Variants in COL17A1 observed in about 807,000 individuals in gnomAD.
COL17A1 encodes the protein collagen type XVII alpha 1 chain.
In COL17A1, 181 loss-of-function variants were observed where a neutral mutation model predicts 218.4. The ratio of observed to expected loss-of-function variants is 0.83; its 90% CI spans 0.73 to 0.94. COL17A1 has a LOEUF of 0.94. COL17A1 is among the 40% of genes least tolerant of loss of function. The pLI is 0.00. For synonymous variants in COL17A1, 721 were observed against 731.0 expected (o/e 0.99, Z 0.22); for missense variants, 1,924 against 1,945.9 (o/e 0.99, Z 0.21).
chr10:104,037,585 G>T, intron 46 of COL17A1, 51 bp downstream of exon 46: 1 of 1,610,640 alleles, frequency 6.2e-7, no homozygotes, highest in Non-Finnish European at 8.5e-7. Flanking sequence ...GGGAGCAAAA[G>T]CAGACCCACA....
intron 43 of COL17A1, 22 bp from the exon 44 acceptor site, chr10:104,039,143 T>C (rs1287043177): frequency 6.2e-7 from 1 of 1,613,556 alleles, no homozygotes; most frequent in South Asian, 1.1e-5. Flanking sequence ...AATGAGAAGT[T>C]TGCCTCACCT....
At chr10:104,063,302 G>A (rs926705997) in intron 11 of COL17A1, among the ~76,000 whole-genome samples, 2 of 152,180 alleles carry the variant, frequency 1.3e-5, no homozygotes, top group Non-Finnish European at 2.9e-5. Context: ...AAGATAAGCA[G>A]TAACATTATT....
intron 4 of COL17A1, 104 bp downstream of exon 4, chr10:104,077,318 C>T: frequency 1.2e-6 from 1 of 867,612 alleles, no homozygotes; most frequent in Non-Finnish European, 1.9e-6. Flanking sequence ...CTTTTGTGCA[C>T]TGATTCAAAA....
In COL17A1 at chr10:104,039,382, C is replaced by T; in HGVS notation, c.2896+63G>A. 4 of 1,543,702 alleles carry T rather than the reference C, an allele frequency of 2.6e-6. No individual in the cohort carries two copies. In the South Asian group the frequency reaches 3.3e-5, roughly 13 times the overall value. ...GTACTTGCTGCCATCTCTTCAGGCT[C>T]TGGGCTCTGGGCACCAGGCTCACCC... On this transcript the variant is annotated intron_variant, in intron 43 of 55. Transcript: ENST00000648076.
intron 15 of COL17A1, 85 bp downstream of exon 15, chr10:104,059,553 T>C (rs2086562354): frequency 1.5e-6 from 2 of 1,297,060 alleles, no homozygotes; most frequent in East Asian, 4.6e-5. Context: ...TGGACCACAC[T>C]TTGAGTAGCA....
intron 33 of COL17A1, among the ~76,000 whole-genome samples, chr10:104,044,967 G>T (rs957545619): frequency 2.0e-5 from 3 of 152,180 alleles, no homozygotes; most frequent in East Asian, 1.9e-4. Context: ...CATTGGAAAT[G>T]ATTTCTGGAA....
chr10:104,043,616 A>G (rs1214227022), intron 34 of COL17A1, 35 bp from the exon 35 acceptor site: 1 of 1,610,278 alleles, frequency 6.2e-7, no homozygotes, highest in Admixed American at 1.7e-5. Context: ...ATTGAGCCCT[A>G]CTTTTCTCAC....
intron 2 of COL17A1, among the ~76,000 whole-genome samples, chr10:104,079,954 G>A (rs1296123255): frequency 2.0e-5 from 3 of 150,104 alleles, no homozygotes; most frequent in Admixed American, 2.0e-4. Context: ...AAATGTTTTT[G>A]TAGAGTGCAG....
At chr10:104,079,762 C>G (rs2086747718) in intron 2 of COL17A1, among the ~76,000 whole-genome samples, 1 of 152,064 alleles carries the variant, frequency 6.6e-6, no homozygotes, top group African/African-American at 2.4e-5. Context: ...CCCGTCTCTA[C>G]TAAAAACACA....
chr10:104,036,097 T>A (rs1225322396), intron 48 of COL17A1, among the ~76,000 whole-genome samples: 7 of 52,232 alleles, frequency 1.3e-4, no homozygotes, highest in South Asian at 1.6e-3. Flanking sequence ...GGAGTGTGTG[T>A]GTATGGGAGT....
intron 53 of COL17A1, 88 bp from the exon 54 acceptor site, chr10:104,033,056 G>A: frequency 6.5e-7 from 1 of 1,541,286 alleles, no homozygotes; most frequent in Non-Finnish European, 8.8e-7. Flanking sequence ...AACACAGAGA[G>A]ATAGTGATGG....
At chr10:104,056,560 C>T (rs530747675) in intron 17 of COL17A1, among the ~76,000 whole-genome samples, 21 of 148,620 alleles carry the variant, frequency 1.4e-4, no homozygotes, top group African/African-American at 4.0e-4. Context: ...CCAGCCTGGG[C>T]GACAGAACGA....
Position 104,050,607 on chromosome 10 carries a change from A to C in COL17A1, c.2128+14T>G. 6.2e-7 allele frequency: 1 copy of C among 1,612,988 alleles called. No homozygotes were observed. Among genetic ancestry groups the C allele is most frequent in the Non-Finnish European group, 8.5e-7 (1 of 1,180,018 alleles). On this transcript the variant is annotated intron_variant, in intron 27 of 55. Transcript: ENST00000648076. ...CAGGCCCTGGTAATGACAGAGCAGC[A>C]GTGAGTGGCATACCTTTGGGTCCTG...
intron 20 of COL17A1, among the ~76,000 whole-genome samples, chr10:104,054,319 G>T (rs1294219373): frequency 6.6e-6 from 1 of 152,248 alleles, no homozygotes. Flanking sequence ...ACAAGTTATA[G>T]TGAAAAATTA....
Position 104,033,952 on chromosome 10 carries a change from GCTCT to G in COL17A1, c.4145_4148del (p.Glu1382AlafsTer40), listed in dbSNP as rs765243124. 1.9e-6 allele frequency: 3 copies of G among 1,614,174 alleles called. No homozygotes were observed. Among genetic ancestry groups the G allele is most frequent in the Non-Finnish European group, 2.5e-6 (3 of 1,180,026 alleles). Reference sequence around the variant, plus strand: ...CTAAATGTCCCCACTTACGCTGCATGCTCTCTGACACCCTCACAGCCAGCTCATT... The same window carrying G: ...CTAAATGTCCCCACTTACGCTGCATGCTGACACCCTCACAGCCAGCTCATT... On this transcript the variant is annotated frameshift_variant, in exon 52 of 56. Coordinates refer to ENST00000648076, the MANE Select transcript of COL17A1 (RefSeq NM_000494.4). LOFTEE classifies it high-confidence loss of function.
intron 29 of COL17A1, 168 bp from the exon 30 acceptor site, chr10:104,048,272 G>A (rs1198328001): frequency 1.3e-6 from 1 of 782,020 alleles, no homozygotes; most frequent in Admixed American, 1.7e-5. Flanking sequence ...TACTCCCACT[G>A]CCCCTTCTCC....
At chr10:104,073,822 T>A (rs1760766323) in intron 6 of COL17A1, 1 of 305,966 alleles carries the variant, frequency 3.3e-6, no homozygotes, top group Non-Finnish European at 6.3e-6. Context: ...GCCTGGCATT[T>A]GTGTGTTCTA....
At position 104,070,674 on chromosome 10, in the gene COL17A1, G is replaced by A. The variant is rs181620431; in HGVS notation, c.464-105C>T. ...GGCATTCTGACTACTGGGGAGAATGGCATCTGCCTCACACATTGGAACTTT... is the reference window on the plus strand; with the variant it reads ...GGCATTCTGACTACTGGGGAGAATGACATCTGCCTCACACATTGGAACTTT... On this transcript the variant is annotated intron_variant, in intron 8 of 55. Coordinates refer to ENST00000648076, the MANE Select transcript of COL17A1 (RefSeq NM_000494.4). 4.9e-3 allele frequency: 7,852 copies of A among 1,605,992 alleles called. 26 individuals carry two copies. Among genetic ancestry groups the A allele is most frequent in the Non-Finnish European group, 6.2e-3 (7,359 of 1,178,422 alleles).
intron 45 of COL17A1, 59 bp from the exon 46 acceptor site, chr10:104,037,832 C>G (rs1354283230): frequency 6.3e-7 from 1 of 1,589,242 alleles, no homozygotes; most frequent in South Asian, 1.1e-5. Flanking sequence ...GTTCTCCCCA[C>G]GGAGGTGACC....
Sources: gnomAD v4.1 joint callset for allele counts (sites outside exome capture counted in the v4.1 genomes callset) on GRCh38, gnomAD v4.1.1 for gene constraint, MANE v1.5 for transcripts, NCBI Gene and HGNC (gene_info 2026-07-23, HGNC 2026-07-21) for gene names.